PTPRF: variants seen among roughly 807,000 people sequenced by gnomAD.
PTPRF encodes receptor-type tyrosine-protein phosphatase F.
A neutral mutation model predicts 201.8 loss-of-function variants in PTPRF; 59 were observed. That is an observed-to-expected ratio of 0.29 (90% CI 0.24 to 0.36). The LOEUF (loss-of-function observed/expected upper bound fraction) is 0.36, where lower values mean the gene tolerates loss of function less well. PTPRF is among the 10% of genes least tolerant of loss of function. The pLI, the probability that PTPRF is intolerant of heterozygous loss-of-function variation, is 1.00. For synonymous variants in PTPRF, 1,088 were observed against 1,089.7 expected (o/e 1.00, Z 0.03); for missense variants, 2,132 against 2,690.5 (o/e 0.79, Z 4.59).
intron 3 of PTPRF, among the ~76,000 whole-genome samples, chr1:43,550,882 A>G (rs919395677): frequency 1.3e-5 from 2 of 152,128 alleles, no homozygotes; most frequent in Non-Finnish European, 2.9e-5. Context: ...GTTAGAGTGT[A>G]TGGCGGAGGT....
Position 43,618,734 on chromosome 1 carries a change from C to A in PTPRF, c.4476C>A (p.Thr1492=). The part of the protein sequence containing the change: ...TVELATYTVR[T]FALHKSGSSE... Reference sequence around the variant, plus strand: ...AGCTGGCCACATACACTGTGCGCACCTTCGCACTCCACAAGGTATAGCCTT... The same window carrying A: ...AGCTGGCCACATACACTGTGCGCACATTCGCACTCCACAAGGTATAGCCTT... Residue 1492 remains threonine (T), a synonymous_variant, in exon 26 of 34, where the codon ACC becomes ACA. Coordinates refer to ENST00000359947, the MANE Select transcript of PTPRF (RefSeq NM_002840.5). 6.2e-7 allele frequency: 1 copy of A among 1,604,892 alleles called. No individual in the cohort carries two copies. The highest frequency in any genetic ancestry group is 8.5e-7 in the Non-Finnish European group (1 of 1,172,366).
At chr1:43,557,687 CA>C (rs1480391281) in intron 5 of PTPRF, among the ~76,000 whole-genome samples, 1 of 150,620 alleles carries the variant, frequency 6.6e-6, no homozygotes, top group Admixed American at 6.6e-5. Context: ...GTTTCTCTAC[CA>C]GGGGCCAGCA....
chr1:43,574,697 C>G (rs542949522), intron 6 of PTPRF, among the ~76,000 whole-genome samples: 1 of 152,354 alleles, frequency 6.6e-6, no homozygotes, highest in East Asian at 1.9e-4. Flanking sequence ...GAAAGGGTCT[C>G]TTGGAGAGAG....
chr1:43,602,538 G>A (rs946381427), intron 14 of PTPRF, among the ~76,000 whole-genome samples: 5 of 152,182 alleles, frequency 3.3e-5, no homozygotes, highest in Admixed American at 2.0e-4. Context: ...GGGTCCATGA[G>A]GGGGTGGTGG....
chr1:43,527,780 C>A (rs1236002452), upstream of PTPRF, among the ~76,000 whole-genome samples: 1 of 152,172 alleles, frequency 6.6e-6, no homozygotes, highest in Non-Finnish European at 1.5e-5. Flanking sequence ...CCCAGGCTAG[C>A]AGGCACACAG....
Position 43,554,384 on chromosome 1 carries a change from CTCTCACTTGGTGGCT to C in PTPRF, c.379+448_379+462del, listed in dbSNP as rs1427904445. ...CTCTGTCCGTGGATTTTAGTGTCTT[CTCTCACTTGGTGGCT>C]TCTCCATTCATTCACAAACACTCCC... On this transcript the variant is annotated intron_variant, in intron 5 of 33. Transcript: ENST00000359947. The surrounding 1 kb of genome is among the most constrained non-coding windows in gnomAD (Gnocchi z 4.1). Among the ~76,000 whole-genome samples the C allele has an allele frequency of 2.6e-5, 4 of 152,136 alleles. No individual in the cohort carries two copies. The highest frequency in any genetic ancestry group is 4.4e-5 in the Non-Finnish European group (3 of 68,038).
chr1:43,539,117 T>A (rs559739119), intron 2 of PTPRF, among the ~76,000 whole-genome samples: 1 of 152,280 alleles, frequency 6.6e-6, no homozygotes, highest in Admixed American at 6.5e-5. Context: ...AAGGTGGCAC[T>A]GGTCTGTGTG....
chr1:43,619,884 C>G, intron 29 of PTPRF, 26 bp downstream of exon 29: 1 of 1,610,290 alleles, frequency 6.2e-7, no homozygotes. Context: ...ACTGCCCCAC[C>G]ATGCCCTACA....
intron 12 of PTPRF, 45 bp downstream of exon 12, chr1:43,598,098 A>G: frequency 7.0e-7 from 1 of 1,434,372 alleles, no homozygotes; most frequent in Non-Finnish European, 9.2e-7. Context: ...TCTGCCTCAG[A>G]CACCACCCAC....
At chr1:43,621,755 A>G (rs910492797) in intron 33 of PTPRF, among the ~76,000 whole-genome samples, 180 bp from the exon 34 acceptor site, 1 of 152,130 alleles carries the variant, frequency 6.6e-6, no homozygotes, top group Admixed American at 6.5e-5. Context: ...ATGACAGGAG[A>G]GAGATGAGCC....
chr1:43,581,887 T>A (rs1647753283), intron 7 of PTPRF, among the ~76,000 whole-genome samples: 1 of 152,192 alleles, frequency 6.6e-6, no homozygotes, highest in African/African-American at 2.4e-5. Context: ...GCTGGACGAT[T>A]CTTAGTTGTG....
intron 3 of PTPRF, among the ~76,000 whole-genome samples, chr1:43,547,451 C>T (rs969874425): frequency 3.3e-5 from 5 of 152,156 alleles, no homozygotes; most frequent in South Asian, 2.1e-4. Context: ...TCAGAGTGAC[C>T]GAGCCGCAGG....
chr1:43,587,047 C>T (rs1238248338), intron 7 of PTPRF, among the ~76,000 whole-genome samples: 1 of 152,216 alleles, frequency 6.6e-6, no homozygotes, highest in Non-Finnish European at 1.5e-5. Context: ...TCCAGCCCAC[C>T]AGCACCTGTC....
chr1:43,587,738 C>G (rs909341058), intron 7 of PTPRF, among the ~76,000 whole-genome samples: 1 of 152,200 alleles, frequency 6.6e-6, no homozygotes, highest in Admixed American at 6.5e-5. Context: ...AGGACACACC[C>G]TGGCCTCTGC....
At position 43,606,586 on chromosome 1, in the gene PTPRF, A is replaced by G; in HGVS notation, c.3702+128A>G. 4 of 1,112,782 alleles carry G rather than the reference A, an allele frequency of 3.6e-6. No individual in the cohort carries two copies. The East Asian group carries it at 9.5e-5, about 27-fold the overall frequency. The allele number at this position is 1,112,782 out of a possible 1,614,324, so 68.9% of individuals were successfully genotyped here. On this transcript the variant is annotated intron_variant, in intron 20 of 33. Coordinates refer to ENST00000359947, the MANE Select transcript of PTPRF (RefSeq NM_002840.5). ...GGGGGCTTCGAGATCCTGGGGCAGC[A>G]CTAAAGACCCAAGATCTGTCCCGGG...
Position 43,619,268 on chromosome 1 carries a change from G to A in PTPRF, c.4647-20G>A, listed in dbSNP as rs760234743. 1 of 1,611,902 alleles carries A rather than the reference G, an allele frequency of 6.2e-7. No individual in the cohort carries two copies. Among genetic ancestry groups the A allele is most frequent in the South Asian group, 1.1e-5 (1 of 91,020 alleles). On this transcript the variant is annotated intron_variant, in intron 27 of 33. Transcript: ENST00000359947. ...GGAGGTGGGGGCGCCTGTGCCTCAA[G>A]CTGAGCCCGTGTCCTGCAGCGCGGG...
intron 6 of PTPRF, 113 bp from the exon 7 acceptor site, chr1:43,578,697 T>G: frequency 2.6e-6 from 2 of 778,418 alleles, no homozygotes; most frequent in Non-Finnish European, 4.3e-6. Context: ...GTGGCCTGGA[T>G]GAGCTTCGAC....
At chr1:43,598,341 T>C in intron 12 of PTPRF, 1 of 463,618 alleles carries the variant, frequency 2.2e-6, no homozygotes, top group Non-Finnish European at 3.8e-6. Context: ...TAAAAGATAC[T>C]CAAAGTAGAA....
intron 22 of PTPRF, chr1:43,613,376 G>GC (rs1194792204): frequency 4.1e-6 from 2 of 483,588 alleles, no homozygotes; most frequent in African/African-American, 3.9e-5. Context: ...AGGGCCTAGT[G>GC]CCCCCACTCA....
Sources: gnomAD v4.1 joint callset for allele counts (sites outside exome capture counted in the v4.1 genomes callset) on GRCh38, gnomAD v4.1.1 for gene constraint, Gnocchi (gnomAD v3.1) non-coding constraint, MANE v1.5 for transcripts, NCBI Gene and HGNC (gene_info 2026-07-23, HGNC 2026-07-21) for gene names.